The following RBM14 variants were observed in gnomAD, a reference collection of about 807,000 sequenced individuals.
The protein encoded by RBM14 is RNA binding motif protein 14.
In RBM14, 5 loss-of-function variants were observed where a neutral mutation model predicts 52.8. That is an observed-to-expected ratio of 0.09 (90% CI 0.05 to 0.20). The LOEUF (loss-of-function observed/expected upper bound fraction) is 0.20. Among genes scored for constraint, RBM14 ranks in the 10% least tolerant of loss-of-function variants. The probability of loss-of-function intolerance (pLI) is 1.00; values close to 1 mark genes in which losing one functional copy is unlikely to be tolerated. For missense variants in RBM14, 780 were observed against 926.6 expected (o/e 0.84, Z 2.05); for synonymous variants, 411 against 401.8 (o/e 1.02, Z -0.28).
At chr11:66,617,218 C>T in intron 1 of RBM14, 161 bp downstream of exon 1, 11 of 1,429,378 alleles carry the variant, frequency 7.7e-6, no homozygotes, top group Non-Finnish European at 1.0e-5. Flanking sequence ...GAGCCACCCT[C>T]CTCCCCTGCG....
rs1262107865 is a variant in RBM14 at position 66,629,253 on chromosome 11, C to G, written c.*2585C>G. Among the ~76,000 whole-genome samples, 3 of 152,208 alleles carry G rather than the reference C, an allele frequency of 2.0e-5. No homozygotes were observed. The East Asian group carries it at 5.8e-4, about 29-fold the overall frequency. On this transcript the variant is annotated 3_prime_UTR_variant, in exon 3 of 3. Transcript: ENST00000310137. Reference sequence around the variant, plus strand: ...TTTGGAAAAATGGACTCTCTATCTTCAGATTATTCAGCTTCTCCACCTATC... The same window carrying G: ...TTTGGAAAAATGGACTCTCTATCTTGAGATTATTCAGCTTCTCCACCTATC...
Position 66,625,039 on chromosome 11 carries a change from C to T in RBM14, c.1163C>T (p.Ser388Phe), listed in dbSNP as rs1937721899. 6.2e-7 allele frequency: 1 copy of T among 1,613,858 alleles called. No individual in the cohort carries two copies. The highest frequency in any genetic ancestry group is 8.5e-7 in the Non-Finnish European group (1 of 1,179,926). ...GAQAASYGAQ[S>F]AASSLAYGAQ... ...CAGGCAGCCTCCTATGGGGCCCAGTCTGCAGCCTCCTCACTAGCTTATGGA... is the reference window on the plus strand; with the variant it reads ...CAGGCAGCCTCCTATGGGGCCCAGTTTGCAGCCTCCTCACTAGCTTATGGA... Residue 388 changes from serine (S) to phenylalanine (F), a missense_variant, in exon 2 of 3, where the codon TCT becomes TTT. Around this residue, in one of 4 missense-constraint regions of RBM14, gnomAD observed 675 missense variants for 697.3 expected, o/e 0.97. Coordinates refer to ENST00000310137, the MANE Select transcript of RBM14 (RefSeq NM_006328.4). The surrounding 1 kb of genome is among the most constrained non-coding windows in gnomAD (Gnocchi z 4.2).
chr11:66,618,689 A>C, intron 1 of RBM14: 1 of 628,724 alleles, frequency 1.6e-6, no homozygotes. Flanking sequence ...TAATTGACTT[A>C]CCAAGTTTCT....
rs781753127 is a variant in RBM14, at chr11:66,625,495, A to G, written c.1619A>G (p.Tyr540Cys). 11 of 1,612,348 alleles carry G rather than the reference A, an allele frequency of 6.8e-6. No homozygotes were observed. The South Asian group carries it at 9.9e-5, about 14-fold the overall frequency. ...AQQHPQAAAS[Y>C]RGQPGNAYDG... ...CAGCATCCCCAGGCTGCTGCCTCCTACCGCGGCCAGCCAGGCAATGCCTAC... is the reference window on the plus strand; with the variant it reads ...CAGCATCCCCAGGCTGCTGCCTCCTGCCGCGGCCAGCCAGGCAATGCCTAC... The change falls in exon 2 of 3, where the codon TAC (tyrosine) becomes TGC (cysteine). Residue 540 changes from tyrosine to cysteine, a missense_variant. Coordinates refer to ENST00000310137, the MANE Select transcript of RBM14 (RefSeq NM_006328.4). This position sits in a 1 kb window ranked among gnomAD's most constrained non-coding sequence, Gnocchi z 4.2.
rs1239613080 is a variant in RBM14, at chr11:66,616,999, G to A, written c.279G>A (p.Gln93=). 1 of 1,611,170 alleles carries A rather than the reference G, an allele frequency of 6.2e-7. No individual in the cohort carries two copies. The highest frequency in any genetic ancestry group is 8.5e-7 in the Non-Finnish European group (1 of 1,178,812). Reference sequence around the variant, plus strand: ...ATGTGTCGGCTGCATGCACGAGCCAGGAACTGCGCAGCCTCTTCGAGCGCC... The same window carrying A: ...ATGTGTCGGCTGCATGCACGAGCCAAGAACTGCGCAGCCTCTTCGAGCGCC... ...VGNVSAACTS[Q]ELRSLFERRG... is the part of the protein sequence containing the mutation. The change falls in exon 1 of 3, where the codon CAG becomes CAA. Residue 93 remains glutamine, a synonymous_variant. Coordinates refer to ENST00000310137, the MANE Select transcript of RBM14 (RefSeq NM_006328.4).
chr11:66,616,816 C>G lies in RBM14; in HGVS notation c.96C>G (p.Ala32=). Residue 32 remains alanine, a synonymous_variant, in exon 1 of 3, where the codon GCC becomes GCG. Coordinates refer to ENST00000310137, the MANE Select transcript of RBM14 (RefSeq NM_006328.4). ...FAPYGTVMSC[A]VMKQFAFVHM... ...CCTACGGCACGGTCATGAGCTGCGC[C>G]GTCATGAAACAGTTCGCCTTCGTGC... is the stretch of plus-strand genomic sequence containing the variant. The G allele has an allele frequency of 6.2e-7, 1 of 1,612,688 alleles. No individual in the cohort carries two copies. The highest frequency in any genetic ancestry group is 8.5e-7 in the Non-Finnish European group (1 of 1,179,724).
rs1020226852 is a variant in RBM14 at position 66,624,818 on chromosome 11, C to A, written c.942C>A (p.Ala314=). 2 of 1,613,994 alleles carry A rather than the reference C, an allele frequency of 1.2e-6. No individual in the cohort carries two copies. The highest frequency in any genetic ancestry group is 1.1e-5 in the South Asian group (1 of 91,096). ...GTGGAGCCCAGCCCTCAGCCTCGGCCCTTTCCTCCTATGGGGGTCAGGCAG... is the reference window on the plus strand; with the variant it reads ...GTGGAGCCCAGCCCTCAGCCTCGGCACTTTCCTCCTATGGGGGTCAGGCAG... ...PYGGAQPSAS[A]LSSYGGQAAA... is the part of the protein sequence containing the mutation. Residue 314 remains alanine (A), a synonymous_variant, in exon 2 of 3, where the codon GCC becomes GCA. Coordinates refer to ENST00000310137, the MANE Select transcript of RBM14 (RefSeq NM_006328.4). This position sits in a 1 kb window ranked among gnomAD's most constrained non-coding sequence, Gnocchi z 4.7.
rs990275544 is a variant in RBM14, at chr11:66,627,388, A to G, written c.*720A>G. On this transcript the variant is annotated 3_prime_UTR_variant, in exon 3 of 3. Transcript: ENST00000310137. ...ATTGCATTCAGTGTCAAAGGAGCCA[A>G]TTTGACATCCAGGAAGACATGATAG... 2 of 152,218 alleles carry G rather than the reference A, an allele frequency of 1.3e-5. No individual in the cohort carries two copies. The highest frequency in any genetic ancestry group is 2.9e-5 in the Non-Finnish European group (2 of 68,034). The allele number at this position is 152,218 out of a possible 1,614,324, so 9.4% of individuals were successfully genotyped here. A position where few individuals can be genotyped will look rare whatever the true frequency, so the allele number is the denominator to read the frequency against.
chr11:66,629,208 GAC>G lies in RBM14; in HGVS notation c.*2542_*2543del, dbSNP rs1446245774. Among the ~76,000 whole-genome samples the G allele has an allele frequency of 4.6e-5, 7 of 152,170 alleles. No individual in the cohort carries two copies. Among genetic ancestry groups the G allele is most frequent in the Non-Finnish European group, 1.0e-4 (7 of 68,034 alleles). Reference sequence around the variant, plus strand: ...GAAAGTTAGGTTGAGTGAATGGGAGGACAGACACTGAATGTGTGTTTTGGAAA... The same window carrying G: ...GAAAGTTAGGTTGAGTGAATGGGAGGAGACACTGAATGTGTGTTTTGGAAA... On this transcript the variant is annotated 3_prime_UTR_variant, in exon 3 of 3. Coordinates refer to ENST00000310137, the MANE Select transcript of RBM14 (RefSeq NM_006328.4).
In RBM14 at chr11:66,625,561, C is replaced by G; in HGVS notation, c.1685C>G (p.Ser562Cys). The G allele has an allele frequency of 6.2e-7, 1 of 1,612,496 alleles. No individual in the cohort carries two copies. Among genetic ancestry groups the G allele is most frequent in the Non-Finnish European group, 8.5e-7 (1 of 1,179,784 alleles). The change falls in exon 2 of 3, where the codon TCC becomes TGC. Residue 562 changes from serine to cysteine, a missense_variant. Ser to Cys is a moderately radical substitution (Grantham distance 112). This residue lies in a region of RBM14 where 675 missense variants were observed against 697.3 expected (regional missense o/e 0.97). Coordinates refer to ENST00000310137, the MANE Select transcript of RBM14 (RefSeq NM_006328.4). The surrounding 1 kb of genome is among the most constrained non-coding windows in gnomAD (Gnocchi z 4.2). The stretch of plus-strand genomic sequence containing the variant: ...CCGTCTGCAGCCTACCTGTCCATGT[C>G]CCAGGGGGCCGTTGCCAACGCCAAC... ...GQPSAAYLSMSQGAVANANST... is the reference protein window; with the variant it reads ...GQPSAAYLSMCQGAVANANST...
At chr11:66,621,403 G>A (rs527410900) in intron 1 of RBM14, among the ~76,000 whole-genome samples, 1 of 151,646 alleles carries the variant, frequency 6.6e-6, no homozygotes, top group Admixed American at 6.6e-5. Flanking sequence ...TTGAGAGGGA[G>A]TTTCATCCTT....
chr11:66,625,548 T>A lies in RBM14; in HGVS notation c.1672T>A (p.Tyr558Asn), dbSNP rs1266218074. Residue 558 changes from tyrosine to asparagine, a missense_variant, in exon 2 of 3, where the codon TAC (tyrosine) becomes AAC (asparagine). Tyr to Asn is a moderately radical substitution (Grantham distance 143). Around this residue, in one of 4 missense-constraint regions of RBM14, gnomAD observed 675 missense variants for 697.3 expected, o/e 0.97. Coordinates refer to ENST00000310137, the MANE Select transcript of RBM14 (RefSeq NM_006328.4). The surrounding 1 kb of genome is among the most constrained non-coding windows in gnomAD (Gnocchi z 4.2). ...YDGAGQPSAA[Y>N]LSMSQGAVAN... is the part of the protein sequence containing the mutation. Reference sequence around the variant, plus strand: ...TGGGGCAGGTCAGCCGTCTGCAGCCTACCTGTCCATGTCCCAGGGGGCCGT... The same window carrying A: ...TGGGGCAGGTCAGCCGTCTGCAGCCAACCTGTCCATGTCCCAGGGGGCCGT... 1 of 1,612,684 alleles carries A rather than the reference T, an allele frequency of 6.2e-7. No homozygotes were observed. Among genetic ancestry groups the A allele is most frequent in the Non-Finnish European group, 8.5e-7 (1 of 1,179,718 alleles).
chr11:66,628,950 T>A lies in RBM14; in HGVS notation c.*2282T>A, dbSNP rs576116368. Among the ~76,000 whole-genome samples the A allele has an allele frequency of 2.0e-5, 3 of 152,340 alleles. No homozygotes were observed. Among genetic ancestry groups the A allele is most frequent in the Non-Finnish European group, 2.9e-5 (2 of 68,036 alleles). ...GCTCTTGAAAGTGACCTGGCCCAGA[T>A]GAGCTCTGCCTGCTTGTCATCTTTA... On this transcript the variant is annotated 3_prime_UTR_variant, in exon 3 of 3. Coordinates refer to ENST00000310137, the MANE Select transcript of RBM14 (RefSeq NM_006328.4).
intron 1 of RBM14, among the ~76,000 whole-genome samples, chr11:66,619,877 G>T (rs1859024612): frequency 6.6e-6 from 1 of 152,230 alleles, no homozygotes; most frequent in Non-Finnish European, 1.5e-5. Flanking sequence ...TCAAGTTTAA[G>T]ATTTTTAGTC....
chr11:66,621,471 G>T (rs139852973), intron 1 of RBM14, among the ~76,000 whole-genome samples: 3 of 151,806 alleles, frequency 2.0e-5, no homozygotes, highest in Admixed American at 6.6e-5. Flanking sequence ...TCCGCCTCCC[G>T]GGTTAAAGTG....
intron 2 of RBM14, among the ~76,000 whole-genome samples, chr11:66,626,230 G>C (rs1435471489): frequency 6.6e-6 from 1 of 152,210 alleles, no homozygotes; most frequent in African/African-American, 2.4e-5. Context: ...ATCCACCTTG[G>C]CTAGTTCAGA....
chr11:66,617,078 G>T, intron 1 of RBM14, 21 bp downstream of exon 1: 2 of 1,554,038 alleles, frequency 1.3e-6, no homozygotes, highest in South Asian at 1.2e-5. Flanking sequence ...GGCGCGCTCG[G>T]GGGCGGGGGC....
At chr11:66,617,389 G>A in intron 1 of RBM14, 1 of 1,155,936 alleles carries the variant, frequency 8.7e-7, no homozygotes, top group Non-Finnish European at 1.1e-6. Flanking sequence ...GCGGAAATTG[G>A]GAAGTGACGG....
Position 66,624,328 on chromosome 11 carries a change from A to G in RBM14, c.452A>G (p.Gln151Arg). The change falls in exon 2 of 3, where the codon CAG (glutamine) becomes CGG (arginine). Residue 151 changes from glutamine to arginine, a missense_variant. This residue lies in a region of RBM14 where 33 missense variants were observed against 87.3 expected (regional missense o/e 0.38). Coordinates refer to ENST00000310137, the MANE Select transcript of RBM14 (RefSeq NM_006328.4). The surrounding 1 kb of genome is among the most constrained non-coding windows in gnomAD (Gnocchi z 4.7). ...AACGTGGAACTCTCCACCAAGGGTC[A>G]GAAGAAGGGGCCTGGCCTGGCTGTC... is the stretch of plus-strand genomic sequence containing the variant. ...RINVELSTKG[Q>R]KKGPGLAVQS... The G allele has an allele frequency of 6.2e-7, 1 of 1,614,134 alleles. No homozygotes were observed. The highest frequency in any genetic ancestry group is 8.5e-7 in the Non-Finnish European group (1 of 1,179,954).
Sources: gnomAD v4.1 joint callset for allele counts (sites outside exome capture counted in the v4.1 genomes callset) on GRCh38, gnomAD v4.1.1 for gene constraint, gnomAD v4.1.1 regional missense constraint, Gnocchi (gnomAD v3.1) non-coding constraint, MANE v1.5 for transcripts, NCBI Gene and HGNC (gene_info 2026-07-23, HGNC 2026-07-21) for gene names.